Variants in ARIH1 observed in about 807,000 individuals in gnomAD.
The protein encoded by ARIH1 is ariadne RBR E3 ubiquitin protein ligase 1.
In ARIH1, 8 loss-of-function variants were observed where a neutral mutation model predicts 85.0. The observed-to-expected ratio is 0.09, with a 90% CI of 0.06 to 0.17. The LOEUF is 0.17. ARIH1 is among the 10% of genes least tolerant of loss of function. The pLI, the probability that ARIH1 is intolerant of heterozygous loss-of-function variation, is 1.00. For missense variants in ARIH1, 311 were observed against 718.1 expected, an observed-to-expected ratio of 0.43 and a Z score of 6.48; for synonymous variants, 238 against 253.6, an observed-to-expected ratio of 0.94 and a Z score of 0.59.
At chr15:72,534,918 T>G (rs1452201127) in intron 2 of ARIH1, among the ~76,000 whole-genome samples, 1 of 151,118 alleles carries the variant, frequency 6.6e-6, no homozygotes, top group East Asian at 1.9e-4. Flanking sequence ...ATTCTGTGCA[T>G]CACAAATCGA....
intron 1 of ARIH1, 91 bp downstream of exon 1, chr15:72,475,105 G>T: frequency 6.6e-7 from 1 of 1,509,904 alleles, no homozygotes. Flanking sequence ...GCCTGGGCCT[G>T]GTGCGCAGCC....
At chr15:72,543,190 A>G (rs1050083307) in intron 2 of ARIH1, among the ~76,000 whole-genome samples, 1 of 151,840 alleles carries the variant, frequency 6.6e-6, no homozygotes, top group Non-Finnish European at 1.5e-5. Context: ...CCACCTCAGC[A>G]TCCCAAAGTG....
chr15:72,493,892 G>T (rs2063869321), intron 1 of ARIH1, among the ~76,000 whole-genome samples: 1 of 49,480 alleles, frequency 2.0e-5, no homozygotes, highest in Admixed American at 2.3e-4. Context: ...ATTTTTTATT[G>T]TTTGTGCATA....
intron 1 of ARIH1, among the ~76,000 whole-genome samples, chr15:72,483,618 T>C (rs2063825072): frequency 6.6e-6 from 1 of 152,208 alleles, no homozygotes; most frequent in South Asian, 2.1e-4. Context: ...TTTTGTATGC[T>C]ATTGGGAGAA....
At chr15:72,517,772 T>A (rs1016653497) in intron 1 of ARIH1, among the ~76,000 whole-genome samples, 8 of 144,126 alleles carry the variant, frequency 5.6e-5, no homozygotes, top group African/African-American at 1.7e-4. Flanking sequence ...GCTGAAATTA[T>A]TTTTTTTTTG....
intron 1 of ARIH1, chr15:72,475,281 CG>C: frequency 1.7e-6 from 1 of 584,390 alleles, no homozygotes; most frequent in Non-Finnish European, 2.6e-6. Context: ...CCTTCTCTTG[CG>C]GGCAATTTCT....
chr15:72,555,146 C>G (rs1168678890), intron 3 of ARIH1, 125 bp from the exon 4 acceptor site: 2 of 650,570 alleles, frequency 3.1e-6, no homozygotes, highest in Non-Finnish European at 5.4e-6. Flanking sequence ...AGGAGCCCAT[C>G]TATTGTCAAA....
At chr15:72,521,913 A>C (rs985065845) in intron 2 of ARIH1, among the ~76,000 whole-genome samples, 1 of 152,188 alleles carries the variant, frequency 6.6e-6, no homozygotes, top group African/African-American at 2.4e-5. Flanking sequence ...CACTTGGGCA[A>C]GTGCCAGTGA....
Position 72,540,060 on chromosome 15 carries a change from C to T in ARIH1, c.444-4760C>T, listed in dbSNP as rs373116986. Among the ~76,000 whole-genome samples, 20 of 152,052 alleles carry T rather than the reference C, an allele frequency of 1.3e-4. No homozygotes were observed. The East Asian group carries it at 2.9e-3, about 22-fold the overall frequency. ...AGATTACAAGGTCAGGAGTTCGAGA[C>T]CAGCCTAAACAATATGGTGAAACTC... On this transcript the variant is annotated intron_variant, in intron 2 of 13. Transcript: ENST00000379887.
In ARIH1 at chr15:72,596,909, C is replaced by T. The variant is rs190569276; in HGVS notation, c.*13617C>T. 3.6e-4 allele frequency: 55 copies of T among 152,116 alleles called. No homozygotes were observed. The highest frequency in any genetic ancestry group is 1.3e-3 in the African/African-American group (55 of 41,518). The allele number at this position is 152,116 out of a possible 1,614,324, so 9.4% of individuals were successfully genotyped here. A position where few individuals can be genotyped will look rare whatever the true frequency, so the allele number is the denominator to read the frequency against. ...CCACATTTTCCATTCTACTTTTTAG[C>T]ATTTTAATCAGTTATTTTATTGGGT... is the stretch of plus-strand genomic sequence containing the variant. On this transcript the variant is annotated 3_prime_UTR_variant, in exon 14 of 14. Coordinates refer to ENST00000379887, the MANE Select transcript of ARIH1 (RefSeq NM_005744.5).
intron 1 of ARIH1, among the ~76,000 whole-genome samples, chr15:72,480,628 G>C (rs1163633239): frequency 1.3e-5 from 2 of 151,984 alleles, no homozygotes; most frequent in East Asian, 3.9e-4. Flanking sequence ...GCAATGACGC[G>C]ATCTCAGCTC....
rs59597213 is a variant in ARIH1 at position 72,595,808 on chromosome 15, G to GTTTTTTTTTTTTTTTTTTTCT, written c.*12534_*12535insTCTTTTTTTTTTTTTTTTTTT. 1 of 122,828 alleles carries GTTTTTTTTTTTTTTTTTTTCT rather than the reference G, an allele frequency of 8.1e-6. No homozygotes were observed. The highest frequency in any genetic ancestry group is 8.8e-5 in the Admixed American group (1 of 11,410). The allele number at this position is 122,828 out of a possible 1,614,324, so 7.6% of individuals were successfully genotyped here. A position where few individuals can be genotyped will look rare whatever the true frequency, so the allele number is the denominator to read the frequency against. ...TATTGCAGTGTTTTTTGTTTTTTCT[G>GTTTTTTTTTTTTTTTTTTTCT]TTTTTTTTTTTTTTTTTTCATCTTT... On this transcript the variant is annotated 3_prime_UTR_variant, in exon 14 of 14. Coordinates refer to ENST00000379887, the MANE Select transcript of ARIH1 (RefSeq NM_005744.5).
intron 11 of ARIH1, among the ~76,000 whole-genome samples, chr15:72,572,538 T>C (rs949252391): frequency 1.3e-5 from 2 of 152,254 alleles, no homozygotes; most frequent in Non-Finnish European, 2.9e-5. Context: ...GTAGAACTTT[T>C]CAATTCTGAA....
intron 9 of ARIH1, among the ~76,000 whole-genome samples, chr15:72,568,573 A>C (rs1421864170): frequency 1.3e-5 from 2 of 152,170 alleles, no homozygotes; most frequent in Admixed American, 1.3e-4. Flanking sequence ...TTTTGAGAGA[A>C]AACTGAAGAG....
chr15:72,537,128 C>T (rs1303631242), intron 2 of ARIH1, among the ~76,000 whole-genome samples: 1 of 150,990 alleles, frequency 6.6e-6, no homozygotes, highest in Admixed American at 6.6e-5. Flanking sequence ...TTGTTTGTAA[C>T]ATGAGGGCTA....
At chr15:72,577,132 G>A (rs922425672) in intron 11 of ARIH1, among the ~76,000 whole-genome samples, 1 of 151,686 alleles carries the variant, frequency 6.6e-6, no homozygotes, top group African/African-American at 2.4e-5. Flanking sequence ...ACAGACATGC[G>A]CCACCATGCC....
chr15:72,485,735 A>C (rs959004807), intron 1 of ARIH1, among the ~76,000 whole-genome samples: 3 of 152,194 alleles, frequency 2.0e-5, no homozygotes, highest in Admixed American at 2.0e-4. Flanking sequence ...TATAATAGGC[A>C]TAGTATCATA....
At chr15:72,550,514 C>T (rs1192390365) in intron 3 of ARIH1, among the ~76,000 whole-genome samples, 1 of 152,130 alleles carries the variant, frequency 6.6e-6, no homozygotes, top group Admixed American at 6.5e-5. Flanking sequence ...CCTTTAACAG[C>T]CTTAAAAATC....
intron 8 of ARIH1, 102 bp from the exon 9 acceptor site, chr15:72,567,004 C>T (rs2064223773): frequency 3.8e-6 from 3 of 795,760 alleles, no homozygotes; most frequent in Non-Finnish European, 4.1e-6. Flanking sequence ...TAATCTTATT[C>T]ATTGGCTTTT....
Sources: gnomAD v4.1 joint callset for allele counts (sites outside exome capture counted in the v4.1 genomes callset) on GRCh38, gnomAD v4.1.1 for gene constraint, MANE v1.5 for transcripts, NCBI Gene and HGNC (gene_info 2026-07-23, HGNC 2026-07-21) for gene names.